The following SPAG16 variants were observed in gnomAD, a reference collection of about 807,000 sequenced individuals.
SPAG16 encodes the protein sperm-associated antigen 16 protein.
Under a neutral mutation model 80.4 loss-of-function variants are expected in SPAG16, and 86 were observed. The observed-to-expected ratio is 1.07, with a 90% confidence interval of 0.90 to 1.28. The LOEUF (loss-of-function observed/expected upper bound fraction) is 1.28, where lower values mean the gene tolerates loss of function less well. SPAG16 is among the 50% of genes most tolerant of loss of function. The probability of loss-of-function intolerance (pLI) is 0.00; values close to 1 mark genes in which losing one functional copy is unlikely to be tolerated. For synonymous variants in SPAG16, 294 were observed against 265.9 expected (o/e 1.11, Z -1.03); for missense variants, 870 against 765.3 (o/e 1.14, Z -1.61).
chr2:213,860,480 T>TAGAC (rs762552311), intron 10 of SPAG16, among the ~76,000 whole-genome samples: 1 of 137,922 alleles, frequency 7.3e-6, no homozygotes. Context: ...TATCTATATA[T>TAGAC]ATATATACAC....
At chr2:213,334,662 G>A (rs146604199) in intron 5 of SPAG16, among the ~76,000 whole-genome samples, 9 of 152,244 alleles carry the variant, frequency 5.9e-5, no homozygotes, top group African/African-American at 1.4e-4. Flanking sequence ...GCAACATGGT[G>A]GAACTGAAGG....
intron 9 of SPAG16, among the ~76,000 whole-genome samples, chr2:213,385,967 A>T (rs1177493874): frequency 6.6e-6 from 1 of 152,168 alleles, no homozygotes. Context: ...TTATTATACT[A>T]TAACTTTATA....
chr2:214,096,767 TC>T (rs1368606138), intron 13 of SPAG16, among the ~76,000 whole-genome samples: 2 of 152,096 alleles, frequency 1.3e-5, no homozygotes, highest in Non-Finnish European at 2.9e-5. Flanking sequence ...CATATTTAAC[TC>T]ATCTTAATTA....
At chr2:213,514,626 C>T (rs1408431752) in intron 10 of SPAG16, among the ~76,000 whole-genome samples, 2 of 117,872 alleles carry the variant, frequency 1.7e-5, no homozygotes, top group African/African-American at 3.3e-5. Context: ...CCTCCCCCCA[C>T]CCCACCACAG....
At chr2:214,118,296 A>G (rs2054042727) in intron 14 of SPAG16, among the ~76,000 whole-genome samples, 1 of 152,192 alleles carries the variant, frequency 6.6e-6, no homozygotes, top group African/African-American at 2.4e-5. Flanking sequence ...TGTCTCTGCA[A>G]TGAAATCTAC....
At chr2:214,205,765 A>G (rs1477776302) in intron 15 of SPAG16, among the ~76,000 whole-genome samples, 1 of 152,228 alleles carries the variant, frequency 6.6e-6, no homozygotes, top group African/African-American at 2.4e-5. Context: ...AATACATGTG[A>G]TATTTTGATA....
At chr2:214,351,388 CTG>C (rs140584779) in intron 15 of SPAG16, among the ~76,000 whole-genome samples, 6 of 151,228 alleles carry the variant, frequency 4.0e-5, no homozygotes, top group Admixed American at 6.6e-5. Context: ...GTCTGTGTGT[CTG>C]TGTGTGTGTG....
chr2:213,964,607 A>G (rs527520598), intron 12 of SPAG16, among the ~76,000 whole-genome samples: 1 of 151,930 alleles, frequency 6.6e-6, no homozygotes, highest in Non-Finnish European at 1.5e-5. Flanking sequence ...ATCTTTTGGG[A>G]TCCCCTGTAC....
chr2:213,645,401 C>T (rs2062783324), intron 10 of SPAG16, among the ~76,000 whole-genome samples: 1 of 152,068 alleles, frequency 6.6e-6, no homozygotes, highest in African/African-American at 2.4e-5. Flanking sequence ...CACCCAAAGC[C>T]CTTGATGCAG....
intron 10 of SPAG16, among the ~76,000 whole-genome samples, chr2:213,823,424 G>A (rs1382237158): frequency 6.6e-6 from 1 of 152,140 alleles, no homozygotes; most frequent in South Asian, 2.1e-4. Context: ...GCAGTGGCGT[G>A]ATCTCGGCTC....
rs77635072 is a variant in SPAG16 at position 214,306,724 on chromosome 2, T to C, written c.1721-103416T>C. 4.5e-3 allele frequency among the ~76,000 whole-genome samples: 692 copies of C among 152,348 alleles called. 4 individuals carry two copies. The highest frequency in any genetic ancestry group is 0.016 in the African/African-American group (658 of 41,594). ...CTTGCATGCATCTCAGGGATAATGC[T>C]GACTTGATCTTGGTGGACAAACTTC... is the stretch of plus-strand genomic sequence containing the variant. On this transcript the variant is annotated intron_variant, in intron 15 of 15. Transcript: ENST00000331683.
At chr2:213,333,257 A>C (rs1272046110) in intron 5 of SPAG16, among the ~76,000 whole-genome samples, 1 of 152,090 alleles carries the variant, frequency 6.6e-6, no homozygotes, top group Non-Finnish European at 1.5e-5. Flanking sequence ...TCCAACTTAC[A>C]ATAGCCATGG....
intron 13 of SPAG16, among the ~76,000 whole-genome samples, chr2:214,032,978 T>A (rs1254597882): frequency 6.6e-6 from 1 of 152,156 alleles, no homozygotes; most frequent in Non-Finnish European, 1.5e-5. Flanking sequence ...AAAAGACTGT[T>A]AACAGAGAAC....
intron 10 of SPAG16, among the ~76,000 whole-genome samples, chr2:213,503,455 C>T (rs2074834236): frequency 2.0e-5 from 3 of 152,220 alleles, no homozygotes; most frequent in African/African-American, 4.8e-5. Context: ...AGTGAAGCAA[C>T]AGCCCCATTG....
chr2:213,489,785 T>C (rs549697477), intron 9 of SPAG16, among the ~76,000 whole-genome samples, 178 bp from the exon 10 acceptor site: 82 of 152,330 alleles, frequency 5.4e-4, no homozygotes, highest in Non-Finnish European at 8.4e-4. Context: ...ATATTTGCCT[T>C]ATTTAAAATT....
intron 11 of SPAG16, among the ~76,000 whole-genome samples, chr2:213,871,488 G>A (rs756555923): frequency 9.9e-5 from 15 of 151,934 alleles, no homozygotes; most frequent in Non-Finnish European, 1.9e-4. Context: ...GGGATTTGAA[G>A]CACACTGACA....
intron 10 of SPAG16, among the ~76,000 whole-genome samples, chr2:213,767,061 G>A (rs1175818921): frequency 2.0e-5 from 3 of 152,154 alleles, no homozygotes; most frequent in Non-Finnish European, 2.9e-5. Flanking sequence ...CCAGGCATAC[G>A]TTTATCATCC....
intron 10 of SPAG16, among the ~76,000 whole-genome samples, chr2:213,520,430 CAAAA>C (rs753861786): frequency 7.0e-4 from 97 of 138,964 alleles, no homozygotes; most frequent in African/African-American, 2.5e-3. Flanking sequence ...ACTAAAAATA[CAAAA>C]AAAAAAAAAA....
At chr2:213,888,207 T>G (rs1469839481) in intron 11 of SPAG16, among the ~76,000 whole-genome samples, 1 of 151,882 alleles carries the variant, frequency 6.6e-6, no homozygotes. Context: ...TATGTTACTG[T>G]TTCATAATTT....
Sources: gnomAD v4.1 joint callset for allele counts (sites outside exome capture counted in the v4.1 genomes callset) on GRCh38, gnomAD v4.1.1 for gene constraint, MANE v1.5 for transcripts, NCBI Gene and HGNC (gene_info 2026-07-23, HGNC 2026-07-21) for gene names.